Variants in PRPH2 observed in about 807,000 individuals in gnomAD.
PRPH2 encodes the protein peripherin-2.
In PRPH2, 17 loss-of-function variants were observed where a neutral mutation model predicts 31.3. The observed-to-expected ratio is 0.54, with a 90% CI of 0.37 to 0.81. PRPH2 has a LOEUF of 0.81. Among genes scored for constraint, PRPH2 ranks in the 40% least tolerant of loss-of-function variants. The pLI, the probability that PRPH2 is intolerant of heterozygous loss-of-function variation, is 0.00. For synonymous variants in PRPH2, 165 were observed against 184.4 expected (o/e 0.89, Z 0.85); for missense variants, 430 against 439.7 (o/e 0.98, Z 0.20).
At chr6:42,699,566 G>T (rs916940687) in intron 2 of PRPH2, among the ~76,000 whole-genome samples, 1 of 152,056 alleles carries the variant, frequency 6.6e-6, no homozygotes, top group African/African-American at 2.4e-5. Context: ...CACCCCGTGT[G>T]GATACTGTGC....
At position 42,705,580 on chromosome 6, in the gene PRPH2, AAAAAAAAAAAAAAAAAAAAATATATAT is replaced by A. The variant is rs1416843946; in HGVS notation, c.582-996_582-970del. ...AACAGAACAAGACTTTCTCTAAAAA[AAAAAAAAAAAAAAAAAAAAATATATAT>A]ATATATATATATATATATATATATT... is the stretch of plus-strand genomic sequence containing the variant. On this transcript the variant is annotated intron_variant, in intron 1 of 2. Transcript: ENST00000230381. Among the ~76,000 whole-genome samples, 37 of 12,350 alleles carry A rather than the reference AAAAAAAAAAAAAAAAAAAAATATATAT, an allele frequency of 3.0e-3. 1 individual carries two copies. Among genetic ancestry groups the A allele is most frequent in the African/African-American group, 7.5e-3 (29 of 3,850 alleles). The allele number at this position is 12,350 out of a possible 152,430, so 8.1% of individuals were successfully genotyped here.
intron 1 of PRPH2, among the ~76,000 whole-genome samples, chr6:42,717,936 C>T (rs1207079406): frequency 2.0e-5 from 3 of 152,136 alleles, no homozygotes; most frequent in Non-Finnish European, 2.9e-5. Flanking sequence ...GAGGTTGAGG[C>T]GGGAGCATCA....
At chr6:42,710,300 G>A (rs765906687) in intron 1 of PRPH2, among the ~76,000 whole-genome samples, 8 of 152,182 alleles carry the variant, frequency 5.3e-5, no homozygotes, top group Non-Finnish European at 1.0e-4. Flanking sequence ...CCTAAAGACA[G>A]GGCTGCGTCT....
chr6:42,712,153 C>T (rs1172838134), intron 1 of PRPH2, among the ~76,000 whole-genome samples: 1 of 152,154 alleles, frequency 6.6e-6, no homozygotes, highest in East Asian at 1.9e-4. Flanking sequence ...CAACTCCAAA[C>T]TATGGGGGAT....
At chr6:42,705,599 A>AATATATATATAT (rs1194169404) in intron 1 of PRPH2, among the ~76,000 whole-genome samples, 317 of 20,576 alleles carry the variant, frequency 0.015, no homozygotes, top group Middle Eastern at 0.067. Context: ...AAAAAAAAAA[A>AATATATATATAT]ATATATATAT....
intron 1 of PRPH2, among the ~76,000 whole-genome samples, chr6:42,718,969 T>C (rs1761842373): frequency 6.6e-6 from 1 of 152,112 alleles, no homozygotes; most frequent in South Asian, 2.1e-4. Context: ...CCAGCCCTAA[T>C]TGTGTCTTTA....
At chr6:42,711,367 A>T (rs1009657880) in intron 1 of PRPH2, among the ~76,000 whole-genome samples, 5 of 152,196 alleles carry the variant, frequency 3.3e-5, no homozygotes, top group Non-Finnish European at 7.4e-5. Flanking sequence ...AAAATAAGTC[A>T]CTGAGTGTGA....
chr6:42,707,274 G>A (rs1028168364), intron 1 of PRPH2, among the ~76,000 whole-genome samples: 4 of 152,146 alleles, frequency 2.6e-5, no homozygotes, highest in African/African-American at 4.8e-5. Context: ...TTCCCATTGC[G>A]TGGATGGCAC....
intron 2 of PRPH2, among the ~76,000 whole-genome samples, chr6:42,702,058 T>C (rs1030557537): frequency 1.4e-4 from 22 of 151,884 alleles, no homozygotes; most frequent in Admixed American, 8.5e-4. Context: ...CCAGCCAACA[T>C]GGTCAAACCT....
At chr6:42,720,093 C>T (rs1761871047) in intron 1 of PRPH2, among the ~76,000 whole-genome samples, 2 of 152,152 alleles carry the variant, frequency 1.3e-5, no homozygotes, top group Middle Eastern at 3.4e-3. Flanking sequence ...AAATTTCCCA[C>T]CAACAAGTTG....
Position 42,698,358 on chromosome 6 carries a change from C to T in PRPH2, c.978G>A (p.Leu326=). The change falls in exon 3 of 3, where the codon CTG becomes CTA. Residue 326 remains leucine (L), a synonymous_variant. Coordinates refer to ENST00000230381, the MANE Select transcript of PRPH2 (RefSeq NM_000322.5). ...WKAFLESVKK[L]GKGNQVEAEG... ...CGGCTTCCACCTGGTTGCCCTTGCC[C>T]AGCTTCTTCACACTCTCCAGAAAGG... The T allele has an allele frequency of 6.2e-7, 1 of 1,613,938 alleles. No individual in the cohort carries two copies. Among genetic ancestry groups the T allele is most frequent in the Non-Finnish European group, 8.5e-7 (1 of 1,179,838 alleles).
rs886061404 is a variant in PRPH2 at position 42,722,243 on chromosome 6, C to T, written c.92G>A (p.Gly31Asp). Reference protein sequence around the residue: ...WLMNWFSVLAGIIIFSLGLFL... With the variant: ...WLMNWFSVLADIIIFSLGLFL... ...CAGTCCTAGGCTGAAGATGATGATG[C>T]CAGCCAACACGGAGAACCAGTTCAT... Residue 31 changes from glycine (G) to aspartate (D), a missense_variant, in exon 1 of 3, where the codon GGC becomes GAC. Gly to Asp is a moderately conservative substitution (Grantham distance 94, BLOSUM62 -1). Transcript: ENST00000230381. This position sits in a 1 kb window ranked among gnomAD's most constrained non-coding sequence, Gnocchi z 4.4. 3 of 1,614,046 alleles carry T rather than the reference C, an allele frequency of 1.9e-6. No homozygotes were observed. The highest frequency in any genetic ancestry group is 2.2e-5 in the East Asian group (1 of 44,892).
chr6:42,700,103 C>T (rs762610939), intron 2 of PRPH2, among the ~76,000 whole-genome samples: 3 of 152,036 alleles, frequency 2.0e-5, no homozygotes, highest in Non-Finnish European at 2.9e-5. Flanking sequence ...GGATTACAGG[C>T]GTCAAAAACT....
intron 1 of PRPH2, among the ~76,000 whole-genome samples, chr6:42,715,474 C>T (rs1293257126): frequency 6.6e-6 from 1 of 151,958 alleles, no homozygotes. Context: ...AGTTCGAGGC[C>T]AGCCTGACCA....
intron 2 of PRPH2, among the ~76,000 whole-genome samples, chr6:42,700,052 G>A (rs895097866): frequency 9.4e-5 from 14 of 149,652 alleles, no homozygotes; most frequent in East Asian, 5.9e-4. Context: ...TCCGCCTCCC[G>A]GGTTCAAGCA....
At position 42,698,160 on chromosome 6, in the gene PRPH2, AC is replaced by A; in HGVS notation, c.*134del. Reference sequence around the variant, plus strand: ...TTTAGGGACCCTAAACTTAAATTCCACCGTCAGGGAGAGTCTCTGTAAGATG... The same window carrying A: ...TTTAGGGACCCTAAACTTAAATTCCACGTCAGGGAGAGTCTCTGTAAGATG... On this transcript the variant is annotated 3_prime_UTR_variant, in exon 3 of 3. Coordinates refer to ENST00000230381, the MANE Select transcript of PRPH2 (RefSeq NM_000322.5). 1 of 1,234,596 alleles carries A rather than the reference AC, an allele frequency of 8.1e-7. No individual in the cohort carries two copies. Among genetic ancestry groups the A allele is most frequent in the South Asian group, 1.4e-5 (1 of 70,214 alleles). The allele number at this position is 1,234,596 out of a possible 1,614,324, so 76.5% of individuals were successfully genotyped here. A position where few individuals can be genotyped will look rare whatever the true frequency, so the allele number is the denominator to read the frequency against.
chr6:42,721,731 C>T, intron 1 of PRPH2, 23 bp downstream of exon 1: 2 of 1,613,466 alleles, frequency 1.2e-6, no homozygotes, highest in Non-Finnish European at 1.7e-6. Context: ...ATAGCTCTGA[C>T]CCCAGGACTG....
intron 1 of PRPH2, among the ~76,000 whole-genome samples, chr6:42,705,599 A>AAAAATATATATAT (rs1562424252): frequency 4.7e-4 from 10 of 21,500 alleles, no homozygotes; most frequent in Non-Finnish European, 6.7e-4. Context: ...AAAAAAAAAA[A>AAAAATATATATAT]ATATATATAT....
intron 1 of PRPH2, among the ~76,000 whole-genome samples, chr6:42,706,163 T>G (rs1800160155): frequency 6.6e-6 from 1 of 151,152 alleles, no homozygotes; most frequent in Admixed American, 6.6e-5. Context: ...CCCAGCACTT[T>G]GGGAGGCTGA....
Sources: allele counts gnomAD v4.1 joint callset (sites outside exome capture counted in the v4.1 genomes callset), GRCh38; gene constraint gnomAD v4.1.1; non-coding constraint Gnocchi (gnomAD v3.1); transcripts MANE v1.5; gene names NCBI Gene and HGNC (gene_info 2026-07-23, HGNC 2026-07-21).